The following CNTLN variants were observed in gnomAD, a reference collection of about 807,000 sequenced individuals.
CNTLN encodes centlein.
In CNTLN, 212 loss-of-function variants were observed where a neutral mutation model predicts 180.0. The observed-to-expected ratio is 1.18, with a 90% CI of 1.05 to 1.32. CNTLN has a LOEUF of 1.32. Ranked by LOEUF, CNTLN falls within the 40% of genes most tolerant of loss-of-function variation. The pLI, the probability that CNTLN is intolerant of heterozygous loss-of-function variation, is 0.00. For missense variants in CNTLN, 2,095 were observed against 1,610.9 expected, an observed-to-expected ratio of 1.30 and a Z score of -5.14; for synonymous variants, 722 against 563.1, an observed-to-expected ratio of 1.28 and a Z score of -3.99.
At chr9:17,256,600 T>C (rs186328273) in intron 5 of CNTLN, among the ~76,000 whole-genome samples, 2 of 151,946 alleles carry the variant, frequency 1.3e-5, no homozygotes, top group African/African-American at 4.8e-5. Flanking sequence ...TGTCTTTTAT[T>C]TGCAATTCTA....
At chr9:17,508,630 G>C (rs1023044843), downstream of CNTLN, among the ~76,000 whole-genome samples, 6 of 152,104 alleles carry the variant, frequency 3.9e-5, no homozygotes, top group Non-Finnish European at 5.9e-5. Context: ...CTATAATTTT[G>C]TCACTGAGAG....
chr9:17,176,473 G>C (rs560769247), intron 2 of CNTLN, among the ~76,000 whole-genome samples: 2 of 152,240 alleles, frequency 1.3e-5, no homozygotes, highest in Admixed American at 6.5e-5. Context: ...ATTATACATT[G>C]CTAAATACTA....
intron 25 of CNTLN, among the ~76,000 whole-genome samples, chr9:17,492,254 T>C (rs543548000): frequency 6.6e-6 from 1 of 151,578 alleles, no homozygotes; most frequent in South Asian, 2.1e-4. Flanking sequence ...CAGTTTTTTC[T>C]TGTAATTCCT....
chr9:17,267,328 G>A (rs909866841), intron 5 of CNTLN, among the ~76,000 whole-genome samples: 1 of 152,082 alleles, frequency 6.6e-6, no homozygotes, highest in African/African-American at 2.4e-5. Context: ...GAAATTCTGG[G>A]TTGAAAATTA....
chr9:17,268,543 G>A (rs138772050), intron 5 of CNTLN, among the ~76,000 whole-genome samples: 2,016 of 152,252 alleles, frequency 0.013, 46 homozygotes, highest in African/African-American at 0.046. Context: ...CGCGTGCTGC[G>A]AGAACCACTA....
Position 17,135,246 on chromosome 9 carries a change from G to T in CNTLN, c.181G>T (p.Glu61Ter), listed in dbSNP as rs1563807017. The T allele has an allele frequency of 6.2e-7, 1 of 1,607,420 alleles. No homozygotes were observed. The highest frequency in any genetic ancestry group is 2.2e-5 in the East Asian group (1 of 44,576). The change falls in exon 1 of 26, where the codon GAA becomes TAA. Residue 61 changes from glutamate to a stop codon, truncating the protein, a stop_gained. Coordinates refer to ENST00000380647, the MANE Select transcript of CNTLN (RefSeq NM_017738.4). LOFTEE classifies it high-confidence loss of function. ...DESDKIWVGE[E>*]GSGGRRGPGG... ...AAGTGATAAAATCTGGGTGGGTGAAGAAGGGTCAGGGGGCCGGCGAGGGCC... is the reference window on the plus strand; with the variant it reads ...AAGTGATAAAATCTGGGTGGGTGAATAAGGGTCAGGGGGCCGGCGAGGGCC...
At chr9:17,323,864 C>G (rs983983630) in intron 8 of CNTLN, among the ~76,000 whole-genome samples, 1 of 151,976 alleles carries the variant, frequency 6.6e-6, no homozygotes, top group Non-Finnish European at 1.5e-5. Context: ...AGGTCACACC[C>G]AGATGCCAAA....
intron 18 of CNTLN, among the ~76,000 whole-genome samples, chr9:17,441,386 A>C (rs142941066): frequency 2.0e-4 from 30 of 152,338 alleles, no homozygotes; most frequent in African/African-American, 7.2e-4. Context: ...TAATGAATAC[A>C]TAATATAAAA....
chr9:17,412,341 C>T (rs981061961), intron 16 of CNTLN, among the ~76,000 whole-genome samples: 1 of 152,120 alleles, frequency 6.6e-6, no homozygotes, highest in Non-Finnish European at 1.5e-5. Context: ...GTCCAGGATA[C>T]AATTGAAAAT....
At chr9:17,499,719 C>T (rs1833645075) in intron 25 of CNTLN, among the ~76,000 whole-genome samples, 1 of 151,992 alleles carries the variant, frequency 6.6e-6, no homozygotes, top group Non-Finnish European at 1.5e-5. Flanking sequence ...CTTAGTCTTC[C>T]TCTAAATTTG....
At chr9:17,512,305 A>C in the CNTLN span, among the ~76,000 whole-genome samples, 1 of 152,224 alleles carries the variant, frequency 6.6e-6, no homozygotes, top group Non-Finnish European at 1.5e-5. Flanking sequence ...GAGGCCTTTT[A>C]TCAATTTAAA....
intron 13 of CNTLN, among the ~76,000 whole-genome samples, chr9:17,384,529 A>G (rs1171240440): frequency 3.9e-5 from 6 of 152,066 alleles, no homozygotes; most frequent in Admixed American, 3.3e-4. Flanking sequence ...ATATCAAGTG[A>G]TTGAAATTCT....
Position 17,237,648 on chromosome 9 carries a change from A to G in CNTLN, c.849+1060A>G, listed in dbSNP as rs567762209. On this transcript the variant is annotated intron_variant, in intron 5 of 25. Coordinates refer to ENST00000380647, the MANE Select transcript of CNTLN (RefSeq NM_017738.4). ...ATTTGCAAATACTATGCCATTTTAT[A>G]TAAGAGACTTAAAGCATCCATGGAT... is the stretch of plus-strand genomic sequence containing the variant. Among the ~76,000 whole-genome samples, 9 of 152,248 alleles carry G rather than the reference A, an allele frequency of 5.9e-5. No homozygotes were observed. The South Asian group carries it at 1.7e-3, about 28-fold the overall frequency.
Position 17,409,475 on chromosome 9 carries a change from TA to T in CNTLN, c.2796+5del. 2 of 1,579,272 alleles carry T rather than the reference TA, an allele frequency of 1.3e-6. No individual in the cohort carries two copies. Among genetic ancestry groups the T allele is most frequent in the South Asian group, 2.4e-5 (2 of 84,192 alleles). On this transcript the variant is annotated splice_donor_region_variant and intron_variant, in intron 16 of 25. Coordinates refer to ENST00000380647, the MANE Select transcript of CNTLN (RefSeq NM_017738.4). ...AATATAGATGGCAAGACCCCAAAGG[TA>T]AATGACATGATTTTGCTTAATTGTA...
chr9:17,484,431 A>C lies in CNTLN; in HGVS notation c.3992A>C (p.Asn1331Thr). 6.2e-7 allele frequency: 1 copy of C among 1,607,802 alleles called. No homozygotes were observed. Among genetic ancestry groups the C allele is most frequent in the Non-Finnish European group, 8.5e-7 (1 of 1,178,546 alleles). Reference protein sequence around the residue: ...KAQTLAASILNISRSDLEEIL... With the variant: ...KAQTLAASILTISRSDLEEIL... ...CAGACCTTGGCAGCTTCTATCCTGA[A>C]CATTTCACGGTCAGATTTAGAGGAA... Residue 1331 changes from asparagine to threonine, a missense_variant, in exon 24 of 26, where the codon AAC (asparagine) becomes ACC (threonine). Physicochemically the swap from Asn to Thr is moderately conservative, Grantham distance 65. Coordinates refer to ENST00000380647, the MANE Select transcript of CNTLN (RefSeq NM_017738.4).
chr9:17,437,760 G>A (rs1333771596), intron 18 of CNTLN, among the ~76,000 whole-genome samples: 2 of 152,090 alleles, frequency 1.3e-5, no homozygotes, highest in East Asian at 1.9e-4. Flanking sequence ...TAATAACACA[G>A]TTGAACATAT....
chr9:17,417,764 G>A (rs1009265714), intron 18 of CNTLN, among the ~76,000 whole-genome samples: 3 of 151,912 alleles, frequency 2.0e-5, no homozygotes, highest in African/African-American at 7.2e-5. Flanking sequence ...CTAAAAATCT[G>A]TGTTAGACAT....
At chr9:17,515,213 C>T in the CNTLN span, among the ~76,000 whole-genome samples, 4,164 of 152,250 alleles carry the variant, frequency 0.027, 189 homozygotes, top group African/African-American at 0.095. Context: ...CTTCACTTTG[C>T]TTCTTGTACC....
At chr9:17,324,796 A>C (rs915793637) in intron 8 of CNTLN, among the ~76,000 whole-genome samples, 1 of 152,120 alleles carries the variant, frequency 6.6e-6, no homozygotes, top group African/African-American at 2.4e-5. Context: ...TGTACCATGT[A>C]AGTATTTAGA....
Sources: allele counts gnomAD v4.1 joint callset (sites outside exome capture counted in the v4.1 genomes callset), GRCh38; gene constraint gnomAD v4.1.1; transcripts MANE v1.5; gene names NCBI Gene and HGNC (gene_info 2026-07-23, HGNC 2026-07-21).